Variants in CNTN3 observed in about 807,000 individuals in gnomAD.
CNTN3 encodes contactin-3.
CNTN3 carries 60 observed loss-of-function variants against 119.1 expected under a neutral mutation model. The observed-to-expected ratio is 0.50, with a 90% CI of 0.41 to 0.62. The LOEUF (loss-of-function observed/expected upper bound fraction) is 0.62. Ranked by LOEUF, CNTN3 falls within the 20% of genes least tolerant of loss-of-function variation. The pLI is 0.00. For missense variants in CNTN3, 1,101 were observed against 1,242.4 expected, an observed-to-expected ratio of 0.89 and a Z score of 1.71; for synonymous variants, 450 against 438.7, an observed-to-expected ratio of 1.03 and a Z score of -0.32.
In CNTN3 at chr3:74,612,576, C is replaced by T. The variant is rs556766383; in HGVS notation, c.-81+1815G>A. Among the ~76,000 whole-genome samples the T allele has an allele frequency of 9.2e-5, 14 of 152,306 alleles. No individual in the cohort carries two copies. The South Asian group carries it at 1.9e-3, about 20-fold the overall frequency. Reference sequence around the variant, plus strand: ...GCGGCCACAGCCTGAATCTATTACCCTGCATATCAATTAGACACTCGGTGT... The same window carrying T: ...GCGGCCACAGCCTGAATCTATTACCTTGCATATCAATTAGACACTCGGTGT... On this transcript the variant is annotated intron_variant, in intron 1 of 22. Coordinates refer to ENST00000263665, the MANE Select transcript of CNTN3 (RefSeq NM_020872.3).
intron 20 of CNTN3, among the ~76,000 whole-genome samples, chr3:74,281,921 G>A (rs1277510337): frequency 6.6e-6 from 1 of 152,196 alleles, no homozygotes; most frequent in East Asian, 1.9e-4. Flanking sequence ...CTGAATGTCA[G>A]AATCACCACT....
intron 1 of CNTN3, among the ~76,000 whole-genome samples, chr3:74,547,555 T>C (rs1283037334): frequency 1.3e-5 from 2 of 152,226 alleles, no homozygotes; most frequent in Admixed American, 6.5e-5. Context: ...GCTATGACCA[T>C]CCTGAATTTG....
chr3:74,551,748 CT>C (rs1703993695), intron 1 of CNTN3, among the ~76,000 whole-genome samples: 2 of 122,672 alleles, frequency 1.6e-5, no homozygotes, highest in Non-Finnish European at 3.4e-5. Context: ...TCTTCTTCTT[CT>C]TCTTCTTTTT....
intron 4 of CNTN3, among the ~76,000 whole-genome samples, chr3:74,457,086 A>G (rs1702283826): frequency 6.6e-6 from 1 of 152,076 alleles, no homozygotes; most frequent in African/African-American, 2.4e-5. Context: ...CTATGAAAAA[A>G]CAAAATTCAG....
chr3:74,580,932 G>C (rs565361972), intron 1 of CNTN3, among the ~76,000 whole-genome samples: 1 of 152,092 alleles, frequency 6.6e-6, no homozygotes, highest in East Asian at 1.9e-4. Context: ...GCTCACATTG[G>C]TCTCAAGAAT....
At chr3:74,442,045 T>C (rs1456047163) in intron 4 of CNTN3, among the ~76,000 whole-genome samples, 1 of 152,010 alleles carries the variant, frequency 6.6e-6, no homozygotes, top group East Asian at 1.9e-4. Flanking sequence ...GGGTTCTCCA[T>C]TTAACCTAAG....
chr3:74,488,730 C>A (rs1442973089), intron 3 of CNTN3, among the ~76,000 whole-genome samples: 1 of 152,076 alleles, frequency 6.6e-6, no homozygotes, highest in Non-Finnish European at 1.5e-5. Flanking sequence ...GGTCTTAAAG[C>A]AACATTTTTA....
chr3:74,320,080 C>G (rs2106668773), intron 13 of CNTN3, among the ~76,000 whole-genome samples: 1 of 152,254 alleles, frequency 6.6e-6, no homozygotes, highest in African/African-American at 2.4e-5. Flanking sequence ...GGACTGTAAC[C>G]TAGTTCAACC....
intron 1 of CNTN3, among the ~76,000 whole-genome samples, chr3:74,607,656 T>C (rs59049159): frequency 0.24 from 35,953 of 152,118 alleles, 7,520 homozygotes; most frequent in African/African-American, 0.55. Context: ...AATCCCAAGA[T>C]TTCCATTTCC....
At chr3:74,394,017 A>G (rs1457343856) in intron 5 of CNTN3, among the ~76,000 whole-genome samples, 2 of 152,244 alleles carry the variant, frequency 1.3e-5, no homozygotes, top group Admixed American at 6.5e-5. Context: ...GTGCAGCAGA[A>G]TAAGAAACAC....
intron 13 of CNTN3, among the ~76,000 whole-genome samples, chr3:74,316,957 T>A (rs1345251107): frequency 6.6e-6 from 1 of 151,486 alleles, no homozygotes; most frequent in Admixed American, 6.6e-5. Context: ...CCCATTATTA[T>A]TGTGTGGGAG....
At chr3:74,346,528 G>A (rs964364167) in intron 11 of CNTN3, among the ~76,000 whole-genome samples, 1 of 152,104 alleles carries the variant, frequency 6.6e-6, no homozygotes, top group Admixed American at 6.6e-5. Context: ...TGGAAAATGG[G>A]TCATAGTACA....
chr3:74,365,601 G>A lies in CNTN3; in HGVS notation c.1048C>T (p.Arg350Ter), dbSNP rs1575662856. The A allele has an allele frequency of 2.5e-6, 4 of 1,613,342 alleles. No individual in the cohort carries two copies. The highest frequency in any genetic ancestry group is 3.4e-6 in the Non-Finnish European group (4 of 1,179,486). ...AGGGCTGCTCCATTTTTCAGCCATC[G>A]GTAGGAAGGCTTGGGCTTGCCGCTT... is the stretch of plus-strand genomic sequence containing the variant. ...RASGKPKPSY[R>*]WLKNGAALVL... Residue 350 changes from arginine (R) to a stop codon, truncating the protein, a stop_gained, in exon 9 of 23, where the codon CGA (arginine) becomes TGA (stop). Transcript: ENST00000263665. LOFTEE classifies it high-confidence loss of function.
At chr3:74,575,094 C>G (rs1704393307) in intron 1 of CNTN3, among the ~76,000 whole-genome samples, 1 of 151,784 alleles carries the variant, frequency 6.6e-6, no homozygotes, top group Admixed American at 6.6e-5. Context: ...TCATTTATTT[C>G]TTTTTATTTT....
At chr3:74,368,357 GA>G (rs1459076150) in intron 8 of CNTN3, among the ~76,000 whole-genome samples, 1 of 151,942 alleles carries the variant, frequency 6.6e-6, no homozygotes, top group Non-Finnish European at 1.5e-5. Flanking sequence ...AAAATAAATA[GA>G]ATATAATGCA....
chr3:74,404,999 GAAGAA>G (rs1705289891), intron 5 of CNTN3, among the ~76,000 whole-genome samples: 1 of 151,840 alleles, frequency 6.6e-6, no homozygotes, highest in African/African-American at 2.4e-5. Context: ...TGAAAAGAAA[GAAGAA>G]AAGAAGAAAA....
At chr3:74,280,996 A>G (rs1701995046) in intron 20 of CNTN3, among the ~76,000 whole-genome samples, 2 of 152,186 alleles carry the variant, frequency 1.3e-5, no homozygotes, top group Admixed American at 6.5e-5. Flanking sequence ...ATCTGGAGGA[A>G]GAGCTTTCGA....
chr3:74,530,068 A>G lies in CNTN3; in HGVS notation c.-80-8876T>C, dbSNP rs1265931439. Reference sequence around the variant, plus strand: ...AGAGTGATCTTGGGGAAAAACTCAAATTCACTGCATGCCTGCAGCATGTCA... The same window carrying G: ...AGAGTGATCTTGGGGAAAAACTCAAGTTCACTGCATGCCTGCAGCATGTCA... On this transcript the variant is annotated intron_variant, in intron 1 of 22. Transcript: ENST00000263665. Among the ~76,000 whole-genome samples the G allele has an allele frequency of 2.0e-5, 3 of 152,186 alleles. No individual in the cohort carries two copies. The East Asian group carries it at 5.8e-4, about 30-fold the overall frequency.
intron 5 of CNTN3, among the ~76,000 whole-genome samples, chr3:74,397,051 C>T (rs1425099968): frequency 6.6e-6 from 1 of 152,136 alleles, no homozygotes; most frequent in African/African-American, 2.4e-5. Flanking sequence ...TCAAGCCAGG[C>T]TTCAAAGCTT....
Sources: gnomAD v4.1 joint callset for allele counts (sites outside exome capture counted in the v4.1 genomes callset) on GRCh38, gnomAD v4.1.1 for gene constraint, MANE v1.5 for transcripts, NCBI Gene and HGNC (gene_info 2026-07-23, HGNC 2026-07-21) for gene names.